The following TMTC1 variants were observed in gnomAD, a reference collection of about 807,000 sequenced individuals.
TMTC1 encodes the protein transmembrane O-mannosyltransferase targeting cadherins 1.
Under a neutral mutation model 104.8 loss-of-function variants are expected in TMTC1, and 73 were observed. The observed-to-expected ratio is 0.70, with a 90% CI of 0.58 to 0.85. The LOEUF is 0.85. TMTC1 is among the 40% of genes least tolerant of loss of function. The probability of loss-of-function intolerance (pLI) is 0.00; values close to 1 mark genes in which losing one functional copy is unlikely to be tolerated. For missense variants in TMTC1, 1,035 were observed against 1,096.1 expected, an observed-to-expected ratio of 0.94 and a Z score of 0.79; for synonymous variants, 434 against 428.7, an observed-to-expected ratio of 1.01 and a Z score of -0.15.
intron 6 of TMTC1, among the ~76,000 whole-genome samples, chr12:29,614,194 T>G (rs1030074864): frequency 6.6e-6 from 1 of 152,162 alleles, no homozygotes; most frequent in African/African-American, 2.4e-5. Flanking sequence ...AAAGGTGAGA[T>G]TTGCTTCCAT....
intron 1 of TMTC1, among the ~76,000 whole-genome samples, chr12:29,778,207 A>C (rs1413673824): frequency 6.6e-6 from 1 of 152,256 alleles, no homozygotes; most frequent in African/African-American, 2.4e-5. Context: ...AATAGGCTAA[A>C]CACACAGAGA....
At chr12:29,782,030 G>A (rs1943846001) in intron 1 of TMTC1, among the ~76,000 whole-genome samples, 1 of 152,162 alleles carries the variant, frequency 6.6e-6, no homozygotes, top group Non-Finnish European at 1.5e-5. Flanking sequence ...CTCATGCTGT[G>A]AACTTGCACA....
intron 6 of TMTC1, among the ~76,000 whole-genome samples, chr12:29,619,682 T>C (rs940292993): frequency 6.6e-6 from 1 of 152,240 alleles, no homozygotes; most frequent in Non-Finnish European, 1.5e-5. Context: ...ATAATCTTTC[T>C]AAAGTCTGGA....
chr12:29,743,302 T>C (rs534172789), intron 5 of TMTC1, among the ~76,000 whole-genome samples: 3 of 152,282 alleles, frequency 2.0e-5, no homozygotes, highest in African/African-American at 7.2e-5. Context: ...CTCATACGTT[T>C]CGCAAGAATC....
intron 5 of TMTC1, among the ~76,000 whole-genome samples, chr12:29,662,865 G>T (rs754960118): frequency 1.3e-5 from 2 of 152,040 alleles, no homozygotes; most frequent in Non-Finnish European, 2.9e-5. Flanking sequence ...TGGAGAAAAC[G>T]AGGAGTCCAA....
chr12:29,541,985 T>C (rs1944813975), intron 10 of TMTC1, among the ~76,000 whole-genome samples: 1 of 152,124 alleles, frequency 6.6e-6, no homozygotes, highest in Admixed American at 6.6e-5. Context: ...CTAATAATTA[T>C]CATACCTAAA....
At chr12:29,705,889 G>C (rs1941727108) in intron 5 of TMTC1, among the ~76,000 whole-genome samples, 1 of 151,886 alleles carries the variant, frequency 6.6e-6, no homozygotes, top group South Asian at 2.1e-4. Flanking sequence ...AATATCATGT[G>C]CTCTACTGCT....
chr12:29,654,515 G>A (rs902178831), intron 5 of TMTC1, among the ~76,000 whole-genome samples: 3 of 152,140 alleles, frequency 2.0e-5, no homozygotes, highest in African/African-American at 7.2e-5. Context: ...AATGTAAAAT[G>A]GTGCAGTTGC....
chr12:29,764,905 A>G (rs1943428855), intron 2 of TMTC1, among the ~76,000 whole-genome samples: 1 of 152,118 alleles, frequency 6.6e-6, no homozygotes. Context: ...TCATACTGCC[A>G]CAGGCTGCCT....
chr12:29,750,462 T>G (rs994091612), intron 5 of TMTC1, among the ~76,000 whole-genome samples: 12 of 152,218 alleles, frequency 7.9e-5, no homozygotes, highest in Admixed American at 2.0e-4. Context: ...GGACCTTGTC[T>G]TTCTTATTTA....
intron 10 of TMTC1, among the ~76,000 whole-genome samples, chr12:29,555,880 G>C (rs529432332): frequency 2.0e-5 from 3 of 152,192 alleles, no homozygotes; most frequent in Admixed American, 2.0e-4. Context: ...TCTGGTTCCA[G>C]ATCCTTGAGG....
At chr12:29,741,922 T>C (rs1210917699) in intron 5 of TMTC1, among the ~76,000 whole-genome samples, 1 of 152,194 alleles carries the variant, frequency 6.6e-6, no homozygotes, top group Non-Finnish European at 1.5e-5. Context: ...AACCTCTCCC[T>C]GACTGCATGA....
At chr12:29,573,638 A>C (rs1945741811) in intron 8 of TMTC1, among the ~76,000 whole-genome samples, 1 of 152,186 alleles carries the variant, frequency 6.6e-6, no homozygotes, top group South Asian at 2.1e-4. Flanking sequence ...TGAAGCTTAG[A>C]CTTTAAGGAT....
intron 5 of TMTC1, among the ~76,000 whole-genome samples, chr12:29,652,423 T>G (rs1939564968): frequency 6.6e-6 from 1 of 152,218 alleles, no homozygotes; most frequent in South Asian, 2.1e-4. Flanking sequence ...AGTTACCGCC[T>G]CTATACCAGG....
intron 5 of TMTC1, among the ~76,000 whole-genome samples, chr12:29,750,427 T>C (rs1217362139): frequency 6.6e-6 from 1 of 152,158 alleles, no homozygotes; most frequent in African/African-American, 2.4e-5. Context: ...CTTCCTCTAC[T>C]AGAAGAAAAG....
At chr12:29,694,393 C>T (rs149821924) in intron 5 of TMTC1, among the ~76,000 whole-genome samples, 2 of 151,938 alleles carry the variant, frequency 1.3e-5, no homozygotes, top group African/African-American at 4.8e-5. Context: ...TAAAATGGGG[C>T]AGTATTTGCA....
At chr12:29,613,852 T>C (rs1946909311) in intron 6 of TMTC1, 3 of 680,448 alleles carry the variant, frequency 4.4e-6, no homozygotes, top group African/African-American at 2.0e-5. Context: ...TGATCACTTC[T>C]TTTCTGTTAA....
chr12:29,539,103 A>T (rs1944723643), intron 10 of TMTC1, among the ~76,000 whole-genome samples: 1 of 152,136 alleles, frequency 6.6e-6, no homozygotes, highest in African/African-American at 2.4e-5. Flanking sequence ...TCTCTTGCTC[A>T]CCCCTTGGTG....
intron 5 of TMTC1, among the ~76,000 whole-genome samples, chr12:29,698,275 G>C (rs1263295173): frequency 2.0e-5 from 3 of 152,100 alleles, no homozygotes; most frequent in Non-Finnish European, 2.9e-5. Flanking sequence ...CTTTCATATT[G>C]CCATGATCCC....
Sources: allele counts gnomAD v4.1 joint callset (sites outside exome capture counted in the v4.1 genomes callset), GRCh38; gene constraint gnomAD v4.1.1; transcripts MANE v1.5; gene names NCBI Gene and HGNC (gene_info 2026-07-23, HGNC 2026-07-21).